The following KIRREL1 variants were observed in gnomAD, a reference collection of about 807,000 sequenced individuals.
The protein encoded by KIRREL1 is kin of IRRE-like protein 1.
A neutral mutation model predicts 83.3 loss-of-function variants in KIRREL1; 25 were observed. The ratio of observed to expected loss-of-function variants is 0.30; its 90% CI spans 0.22 to 0.42. The LOEUF is 0.42. Ranked by LOEUF, KIRREL1 falls within the 10% of genes least tolerant of loss-of-function variation. The pLI is 1.00. For missense variants in KIRREL1, 812 were observed against 1,032.3 expected (o/e 0.79, Z 2.92); for synonymous variants, 388 against 410.4 (o/e 0.95, Z 0.66).
At chr1:158,043,804 G>A (rs1042509778) in intron 1 of KIRREL1, among the ~76,000 whole-genome samples, 1 of 152,176 alleles carries the variant, frequency 6.6e-6, no homozygotes, top group Non-Finnish European at 1.5e-5. Context: ...ATGGCAGGGA[G>A]CCGTGAACAG....
rs1215774941 is a variant in KIRREL1, at chr1:158,099,856, T to G, written c.*4736T>G. ...AAGAGCAGCCAAAATCCCAATACAG[T>G]AAAACTCCACACAATCTTGTTAGCA... On this transcript the variant is annotated 3_prime_UTR_variant, in exon 15 of 15. Transcript: ENST00000359209. The G allele has an allele frequency of 6.6e-6, 1 of 152,018 alleles. No individual in the cohort carries two copies. Among genetic ancestry groups the G allele is most frequent in the African/African-American group, 2.4e-5 (1 of 41,364 alleles). The allele number at this position is 152,018 out of a possible 1,614,324, so 9.4% of individuals were successfully genotyped here. A position where few individuals can be genotyped will look rare whatever the true frequency, so the allele number is the denominator to read the frequency against.
intron 1 of KIRREL1, among the ~76,000 whole-genome samples, chr1:158,000,624 T>C (rs1169151183): frequency 5.3e-5 from 8 of 152,180 alleles, no homozygotes; most frequent in African/African-American, 1.9e-4. Context: ...GACACTTTTG[T>C]TTTTTCTTTC....
chr1:158,069,463 A>G (rs1661450439), intron 1 of KIRREL1, among the ~76,000 whole-genome samples: 1 of 152,118 alleles, frequency 6.6e-6, no homozygotes, highest in Non-Finnish European at 1.5e-5. Flanking sequence ...AAGTGTGTTC[A>G]CACACAGAGA....
rs370605154 is a variant in KIRREL1, at chr1:158,071,862, C to G, written c.53-4251C>G. Among the ~76,000 whole-genome samples the G allele has an allele frequency of 1.1e-4, 16 of 152,194 alleles. No individual in the cohort carries two copies. The South Asian group carries it at 3.3e-3, about 32-fold the overall frequency. ...TGTGCCTAGGACACTTGCTAGGCCA[C>G]TTGTCCTGGGTTTTTAGTGGCTTCT... is the stretch of plus-strand genomic sequence containing the variant. On this transcript the variant is annotated intron_variant, in intron 1 of 14. Transcript: ENST00000359209.
At chr1:158,002,276 T>TC (rs928180024) in intron 1 of KIRREL1, among the ~76,000 whole-genome samples, 9 of 151,768 alleles carry the variant, frequency 5.9e-5, no homozygotes, top group Non-Finnish European at 1.0e-4. Context: ...TTGTTACCTG[T>TC]CCCCCCCAAG....
At chr1:157,993,817 G>A (rs1659112214) in intron 1 of KIRREL1, 89 bp downstream of exon 1, 1 of 830,968 alleles carries the variant, frequency 1.2e-6, no homozygotes, top group East Asian at 3.4e-5. Flanking sequence ...GGAGTGCCCC[G>A]CGGCCCGCGG....
At chr1:158,092,410 C>T (rs146040385) in intron 11 of KIRREL1, among the ~76,000 whole-genome samples, 1,641 of 131,746 alleles carry the variant, frequency 0.012, 25 homozygotes, top group African/African-American at 0.045. Context: ...TGCAGTGGTG[C>T]GATCTTGGCT....
intron 1 of KIRREL1, among the ~76,000 whole-genome samples, chr1:158,072,529 G>T (rs1017452438): frequency 6.6e-6 from 1 of 152,082 alleles, no homozygotes; most frequent in African/African-American, 2.4e-5. Flanking sequence ...GACCTTGAGG[G>T]AACTACACGA....
intron 1 of KIRREL1, among the ~76,000 whole-genome samples, chr1:158,070,849 G>A (rs1290697828): frequency 1.3e-5 from 2 of 152,072 alleles, no homozygotes; most frequent in Non-Finnish European, 1.5e-5. Flanking sequence ...ATTCCCTATT[G>A]CTCTCCTAAT....
At chr1:158,082,108 C>A (rs1661878200) in intron 3 of KIRREL1, among the ~76,000 whole-genome samples, 1 of 152,156 alleles carries the variant, frequency 6.6e-6, no homozygotes, top group Non-Finnish European at 1.5e-5. Flanking sequence ...GGCATTGGAA[C>A]CAGATACACC....
intron 1 of KIRREL1, among the ~76,000 whole-genome samples, chr1:158,023,078 G>A (rs370390406): frequency 2.4e-4 from 37 of 152,318 alleles, no homozygotes; most frequent in African/African-American, 8.7e-4. Flanking sequence ...CCAAACAAAT[G>A]CAAAGGTCAT....
chr1:158,000,636 A>G (rs1259588795), intron 1 of KIRREL1, among the ~76,000 whole-genome samples: 1 of 152,162 alleles, frequency 6.6e-6, no homozygotes, highest in East Asian at 1.9e-4. Flanking sequence ...TTTTCTTTCT[A>G]TCCCACTTAC....
intron 1 of KIRREL1, among the ~76,000 whole-genome samples, chr1:158,042,822 C>T (rs1224394141): frequency 6.6e-6 from 1 of 150,438 alleles, no homozygotes; most frequent in African/African-American, 2.4e-5. Context: ...TCCTGTAATC[C>T]AAGCACTTTG....
At chr1:158,041,991 G>A (rs1367249564) in intron 1 of KIRREL1, among the ~76,000 whole-genome samples, 1 of 152,120 alleles carries the variant, frequency 6.6e-6, no homozygotes, top group Admixed American at 6.5e-5. Context: ...GAAGTTCAAG[G>A]GCCTTCACAG....
chr1:158,054,850 G>A (rs565604988), intron 1 of KIRREL1, among the ~76,000 whole-genome samples: 1 of 152,238 alleles, frequency 6.6e-6, no homozygotes, highest in South Asian at 2.1e-4. Flanking sequence ...CCTGTGCTGG[G>A]GGATGTTGAG....
rs146410502 is a variant in KIRREL1 at position 158,091,366 on chromosome 1, C to T, written c.1281C>T (p.Ala427=). The part of the protein sequence containing the change: ...STPPPDRIAW[A]WKENFLEVGT... ...TTCCCTCTCCACCACAGGCATGGGCCTGGAAGGAGAACTTCTTGGAGGTGG... is the reference window on the plus strand; with the variant it reads ...TTCCCTCTCCACCACAGGCATGGGCTTGGAAGGAGAACTTCTTGGAGGTGG... Residue 427 remains alanine, a synonymous_variant, in exon 11 of 15, where the codon GCC becomes GCT. Transcript: ENST00000359209. 13 of 1,613,782 alleles carry T rather than the reference C, an allele frequency of 8.1e-6. No homozygotes were observed. The highest frequency in any genetic ancestry group is 7.7e-5 in the South Asian group (7 of 91,074).
chr1:158,041,324 T>A (rs1300110197), intron 1 of KIRREL1, among the ~76,000 whole-genome samples: 1 of 152,194 alleles, frequency 6.6e-6, no homozygotes, highest in Non-Finnish European at 1.5e-5. Context: ...CTTCGTAAGG[T>A]GGTCCTGGTC....
chr1:158,077,428 CT>C (rs1221106402), intron 2 of KIRREL1, among the ~76,000 whole-genome samples: 6 of 152,132 alleles, frequency 3.9e-5, no homozygotes, highest in African/African-American at 1.4e-4. Context: ...GTGGGGGAGC[CT>C]GGAGGAAGGA....
At chr1:158,031,474 C>T (rs974465372) in intron 1 of KIRREL1, among the ~76,000 whole-genome samples, 8 of 152,166 alleles carry the variant, frequency 5.3e-5, no homozygotes, top group African/African-American at 1.7e-4. Flanking sequence ...GCTCAGGGGC[C>T]AAGTGGGATG....
Sources: gnomAD v4.1 joint callset for allele counts (sites outside exome capture counted in the v4.1 genomes callset) on GRCh38, gnomAD v4.1.1 for gene constraint, MANE v1.5 for transcripts, NCBI Gene and HGNC (gene_info 2026-07-23, HGNC 2026-07-21) for gene names.